Variants in C12orf50 observed in about 807,000 individuals in gnomAD.
C12orf50 encodes zinc finger CCCH-type containing 11D, also known as uncharacterized protein C12orf50.
In C12orf50, 35 loss-of-function variants were observed where a neutral mutation model predicts 61.6. That is an observed-to-expected ratio of 0.57 (90% CI 0.43 to 0.75). C12orf50 has a LOEUF of 0.75. Among genes scored for constraint, C12orf50 ranks in the 30% least tolerant of loss-of-function variants. C12orf50 has a pLI of 0.00. For synonymous variants in C12orf50, 178 were observed against 161.5 expected, an observed-to-expected ratio of 1.10 and a Z score of -0.77; for missense variants, 475 against 488.5, an observed-to-expected ratio of 0.97 and a Z score of 0.26.
intron 3 of C12orf50, among the ~76,000 whole-genome samples, chr12:87,998,728 G>A (rs2031528024): frequency 6.6e-6 from 1 of 152,044 alleles, no homozygotes; most frequent in African/African-American, 2.4e-5. Context: ...AAGACTATCT[G>A]GACTAGCATA....
chr12:88,021,311 A>G (rs1453997064), intron 3 of C12orf50, among the ~76,000 whole-genome samples: 1 of 152,018 alleles, frequency 6.6e-6, no homozygotes, highest in Non-Finnish European at 1.5e-5. Flanking sequence ...CAAAAAAAAA[A>G]AAAGAGAAGA....
At chr12:88,017,227 G>T (rs1382633977) in intron 3 of C12orf50, among the ~76,000 whole-genome samples, 6 of 152,160 alleles carry the variant, frequency 3.9e-5, no homozygotes, top group Non-Finnish European at 8.8e-5. Flanking sequence ...TTGAATCATG[G>T]GGGCGGGTCT....
intron 3 of C12orf50, among the ~76,000 whole-genome samples, chr12:88,016,831 T>C (rs764409187): frequency 1.1e-4 from 16 of 152,174 alleles, no homozygotes; most frequent in Non-Finnish European, 2.2e-4. Context: ...AATTATATTG[T>C]ATCTGAGAAA....
At chr12:87,990,626 C>CT (rs1323410637) in intron 7 of C12orf50, among the ~76,000 whole-genome samples, 1 of 152,036 alleles carries the variant, frequency 6.6e-6, no homozygotes, top group Non-Finnish European at 1.5e-5. Context: ...TTCACCCTGG[C>CT]TTTTTTCCCT....
chr12:88,009,934 A>T (rs531975517), intron 3 of C12orf50, among the ~76,000 whole-genome samples: 1 of 152,238 alleles, frequency 6.6e-6, no homozygotes, highest in Non-Finnish European at 1.5e-5. Flanking sequence ...TGAAGTATTC[A>T]AATATTGGCC....
At chr12:88,017,001 C>T (rs1371911085) in intron 3 of C12orf50, among the ~76,000 whole-genome samples, 1 of 152,078 alleles carries the variant, frequency 6.6e-6, no homozygotes, top group African/African-American at 2.4e-5. Context: ...TGGAATTAGC[C>T]ATGAAGATAT....
intron 1 of C12orf50, among the ~76,000 whole-genome samples, chr12:88,028,694 A>G (rs1049455411): frequency 1.6e-4 from 25 of 152,162 alleles, no homozygotes; most frequent in African/African-American, 6.0e-4. Flanking sequence ...TATTTGAATT[A>G]TAATGACTGG....
chr12:87,984,178 TA>T (rs1399110799), intron 11 of C12orf50: 5 of 152,196 alleles, frequency 3.3e-5, no homozygotes, highest in African/African-American at 1.2e-4. Flanking sequence ...TTTGGATGCA[TA>T]AATGTCTTCT....
chr12:87,993,438 G>A (rs558385254), intron 7 of C12orf50, among the ~76,000 whole-genome samples: 59 of 152,282 alleles, frequency 3.9e-4, no homozygotes, highest in African/African-American at 1.4e-3. Context: ...CTAATTTGTA[G>A]CTAAAACTTA....
intron 3 of C12orf50, among the ~76,000 whole-genome samples, chr12:88,006,934 C>G (rs2031909563): frequency 6.6e-6 from 1 of 152,100 alleles, no homozygotes; most frequent in South Asian, 2.1e-4. Flanking sequence ...TTTTTACTGG[C>G]TTTAGTATAT....
intron 3 of C12orf50, among the ~76,000 whole-genome samples, chr12:87,999,034 GT>G (rs2031542420): frequency 6.6e-6 from 1 of 152,104 alleles, no homozygotes; most frequent in Non-Finnish European, 1.5e-5. Context: ...GTCATGAAAA[GT>G]TTTTTAGATA....
At chr12:87,996,815 T>C (rs1251560108) in intron 4 of C12orf50, among the ~76,000 whole-genome samples, 169 bp from the exon 5 acceptor site, 1 of 152,198 alleles carries the variant, frequency 6.6e-6, no homozygotes, top group East Asian at 1.9e-4. Flanking sequence ...TGCTACATTT[T>C]AAGTATTCAA....
At chr12:87,985,633 T>C in intron 11 of C12orf50, 1 of 583,924 alleles carries the variant, frequency 1.7e-6, no homozygotes. Flanking sequence ...AGGTGCAATC[T>C]GAAGTCATCT....
chr12:88,028,880 G>A (rs752554462), intron 1 of C12orf50, among the ~76,000 whole-genome samples: 10 of 152,052 alleles, frequency 6.6e-5, no homozygotes, highest in Non-Finnish European at 1.5e-4. Flanking sequence ...AATTATCTCA[G>A]ATTTCTTCAG....
chr12:88,022,186 C>A (rs2032541558), intron 3 of C12orf50, among the ~76,000 whole-genome samples: 1 of 150,932 alleles, frequency 6.6e-6, no homozygotes. Flanking sequence ...AAGGTTGGTT[C>A]AACATATACA....
At chr12:88,009,383 C>T (rs1180368443) in intron 3 of C12orf50, among the ~76,000 whole-genome samples, 1 of 152,002 alleles carries the variant, frequency 6.6e-6, no homozygotes. Flanking sequence ...TTGGATTTCC[C>T]TAACTATTAA....
chr12:88,015,830 G>A (rs1410717171), intron 3 of C12orf50, among the ~76,000 whole-genome samples: 1 of 152,092 alleles, frequency 6.6e-6, no homozygotes, highest in Admixed American at 6.6e-5. Flanking sequence ...TTATAAACAT[G>A]TAAATAAAAT....
intron 9 of C12orf50, among the ~76,000 whole-genome samples, chr12:87,986,740 TA>T (rs2030845756): frequency 2.0e-5 from 3 of 152,310 alleles, no homozygotes; most frequent in Admixed American, 2.0e-4. Flanking sequence ...ATTATAATGC[TA>T]TTGTTAAATA....
rs1348867434 is a variant in C12orf50 at position 87,996,486 on chromosome 12, C to T, written c.369G>A (p.Gly123=). 1 of 1,605,066 alleles carries T rather than the reference C, an allele frequency of 6.2e-7. No individual in the cohort carries two copies. The highest frequency in any genetic ancestry group is 1.3e-5 in the African/African-American group (1 of 74,582). Residue 123 remains glycine, a splice_region_variant and synonymous_variant, in exon 6 of 13, where the codon GGG becomes GGA. Transcript: ENST00000298699. The stretch of plus-strand genomic sequence containing the variant: ...GAGGAGTATGAAATCTGTAGTATTC[C>T]CCTAATCAACCATAAGAAAAGTAAT... ...RAIKEMCYKS[G]EYYRFHTPPD... is the part of the protein sequence containing the mutation.
Sources: gnomAD v4.1 joint callset for allele counts (sites outside exome capture counted in the v4.1 genomes callset) on GRCh38, gnomAD v4.1.1 for gene constraint, MANE v1.5 for transcripts, NCBI Gene and HGNC (gene_info 2026-07-23, HGNC 2026-07-21) for gene names.